BRINP1: variants seen among roughly 807,000 people sequenced by gnomAD.
BRINP1 encodes BMP/retinoic acid inducible neural specific 1.
Under a neutral mutation model 72.9 loss-of-function variants are expected in BRINP1, and 17 were observed. The ratio of observed to expected loss-of-function variants is 0.23; its 90% CI spans 0.16 to 0.35. The LOEUF (loss-of-function observed/expected upper bound fraction) is 0.35, where lower values mean the gene tolerates loss of function less well. Ranked by LOEUF, BRINP1 falls within the 10% of genes least tolerant of loss-of-function variation. The probability of loss-of-function intolerance (pLI) is 1.00; values close to 1 mark genes in which losing one functional copy is unlikely to be tolerated. For synonymous variants in BRINP1, 418 were observed against 378.5 expected, an observed-to-expected ratio of 1.10 and a Z score of -1.21; for missense variants, 850 against 1,001.6, an observed-to-expected ratio of 0.85 and a Z score of 2.04.
chr9:119,203,700 T>G (rs527355851), intron 7 of BRINP1, among the ~76,000 whole-genome samples: 24 of 152,208 alleles, frequency 1.6e-4, no homozygotes, highest in Non-Finnish European at 1.5e-4. Flanking sequence ...ACCAAGGCAG[T>G]CTAACTCCAG....
At chr9:119,183,740 T>A (rs1337938442) in intron 7 of BRINP1, among the ~76,000 whole-genome samples, 3 of 152,162 alleles carry the variant, frequency 2.0e-5, no homozygotes, top group Non-Finnish European at 4.4e-5. Context: ...AGCTCTTCTG[T>A]TTGTTCTCTA....
intron 2 of BRINP1, among the ~76,000 whole-genome samples, chr9:119,268,487 A>T (rs539178573): frequency 6.6e-6 from 1 of 152,218 alleles, no homozygotes; most frequent in South Asian, 2.1e-4. Flanking sequence ...GGGAACACAC[A>T]GCGCTAAGAT....
At chr9:119,335,773 G>T (rs2119016451) in intron 1 of BRINP1, among the ~76,000 whole-genome samples, 1 of 152,302 alleles carries the variant, frequency 6.6e-6, no homozygotes, top group Admixed American at 6.5e-5. Flanking sequence ...TCTAAAATCT[G>T]CTTTCTGTGA....
intron 7 of BRINP1, among the ~76,000 whole-genome samples, chr9:119,200,102 C>A (rs1314444394): frequency 3.3e-5 from 5 of 152,168 alleles, no homozygotes. Context: ...TATATACGAA[C>A]ACGGAACTCA....
chr9:119,213,989 C>T lies in BRINP1; in HGVS notation c.852G>A (p.Gln284=), dbSNP rs369506093. 2 of 1,614,174 alleles carry T rather than the reference C, an allele frequency of 1.2e-6. No individual in the cohort carries two copies. The highest frequency in any genetic ancestry group is 1.7e-6 in the Non-Finnish European group (2 of 1,180,026). ...PQCNCPITDI[Q]IMEYTLANMA... ...TGTTGGCCAGCGTGTACTCCATGAT[C>T]TGGATGTCCGTGATGGGGCAGTTGC... Residue 284 remains glutamine, a synonymous_variant, in exon 6 of 8, where the codon CAG becomes CAA. Transcript: ENST00000265922.
intron 1 of BRINP1, among the ~76,000 whole-genome samples, chr9:119,322,614 C>G (rs1486844228): frequency 6.6e-6 from 1 of 152,158 alleles, no homozygotes; most frequent in Non-Finnish European, 1.5e-5. Flanking sequence ...TGCCTCCTCC[C>G]TCCCTCCGCC....
intron 2 of BRINP1, among the ~76,000 whole-genome samples, chr9:119,302,968 T>C (rs1202144566): frequency 6.6e-6 from 1 of 152,040 alleles, no homozygotes; most frequent in Non-Finnish European, 1.5e-5. Flanking sequence ...GCTAACAGAG[T>C]GCATACACAT....
Position 119,183,497 on chromosome 9 carries a change from C to T in BRINP1, c.1146-15273G>A, listed in dbSNP as rs79759819. ...GGTTGATAAGGCTTAGAAGAAGACA[C>T]GGGGGGCTGTACAGTACAGAGAATG... On this transcript the variant is annotated intron_variant, in intron 7 of 7. Coordinates refer to ENST00000265922, the MANE Select transcript of BRINP1 (RefSeq NM_014618.3). 1.3e-3 allele frequency among the ~76,000 whole-genome samples: 200 copies of T among 152,146 alleles called. 4 individuals carry two copies. In the East Asian group the frequency reaches 0.035, roughly 26 times the overall value.
At chr9:119,176,724 T>C (rs1172791162) in intron 7 of BRINP1, among the ~76,000 whole-genome samples, 1 of 152,096 alleles carries the variant, frequency 6.6e-6, no homozygotes, top group East Asian at 1.9e-4. Context: ...TCCCAGAAAA[T>C]AAGCTCTTCC....
chr9:119,255,327 G>A (rs2118927934), intron 2 of BRINP1, among the ~76,000 whole-genome samples: 1 of 152,312 alleles, frequency 6.6e-6, no homozygotes, highest in Non-Finnish European at 1.5e-5. Flanking sequence ...AGCAGGGTGG[G>A]CAAACCAATT....
rs576229348 is a variant in BRINP1, at chr9:119,251,173, G to A, written c.219-2023C>T. Among the ~76,000 whole-genome samples, 74 of 152,276 alleles carry A rather than the reference G, an allele frequency of 4.9e-4. 1 individual carries two copies. The highest frequency in any genetic ancestry group is 1.8e-3 in the African/African-American group (73 of 41,558). On this transcript the variant is annotated intron_variant, in intron 2 of 7. Coordinates refer to ENST00000265922, the MANE Select transcript of BRINP1 (RefSeq NM_014618.3). Reference sequence around the variant, plus strand: ...ACTGAGTACCTTGCATGTTGTTGCAGGTACTTAAGTCAATCAACTGCACTC... The same window carrying A: ...ACTGAGTACCTTGCATGTTGTTGCAAGTACTTAAGTCAATCAACTGCACTC...
At chr9:119,325,137 A>G (rs1431382956) in intron 1 of BRINP1, among the ~76,000 whole-genome samples, 1 of 152,040 alleles carries the variant, frequency 6.6e-6, no homozygotes, top group African/African-American at 2.4e-5. Context: ...AGAGAGAAAG[A>G]GAGAAAGAGA....
At chr9:119,192,415 C>T (rs12349132) in intron 7 of BRINP1, among the ~76,000 whole-genome samples, 9,207 of 151,928 alleles carry the variant, frequency 0.061, 703 homozygotes, top group African/African-American at 0.18. Context: ...ACAAACAACC[C>T]AATTTAAAAA....
At chr9:119,330,342 C>T (rs1319046700) in intron 1 of BRINP1, among the ~76,000 whole-genome samples, 4 of 152,172 alleles carry the variant, frequency 2.6e-5, no homozygotes, top group African/African-American at 4.8e-5. Context: ...CTCCCCCATG[C>T]TCTTCCCTCC....
intron 1 of BRINP1, among the ~76,000 whole-genome samples, chr9:119,339,031 A>G (rs1831382049): frequency 6.6e-6 from 1 of 152,238 alleles, no homozygotes; most frequent in African/African-American, 2.4e-5. Flanking sequence ...GCACTAAATG[A>G]GAGGGGAAGA....
chr9:119,177,339 A>C (rs750605632), intron 7 of BRINP1, among the ~76,000 whole-genome samples: 2 of 152,138 alleles, frequency 1.3e-5, no homozygotes, highest in African/African-American at 2.4e-5. Flanking sequence ...AGCTGGAATA[A>C]TAATGAGCTA....
intron 1 of BRINP1, among the ~76,000 whole-genome samples, chr9:119,323,906 A>G (rs1587960832): frequency 6.6e-6 from 1 of 152,218 alleles, no homozygotes. Context: ...AACTAGACAG[A>G]TTGATTACTG....
chr9:119,244,184 C>T (rs1450255494), intron 3 of BRINP1, among the ~76,000 whole-genome samples: 2 of 152,194 alleles, frequency 1.3e-5, no homozygotes, highest in Admixed American at 6.5e-5. Flanking sequence ...TCAGGTTTTA[C>T]AGGCCAAGGC....
chr9:119,337,252 C>T (rs78998564), intron 1 of BRINP1, among the ~76,000 whole-genome samples: 1,560 of 152,288 alleles, frequency 0.01, 26 homozygotes, highest in African/African-American at 0.036. Context: ...AACCCACAGT[C>T]CAGGCAGTAA....
Sources: allele counts gnomAD v4.1 joint callset (sites outside exome capture counted in the v4.1 genomes callset), GRCh38; gene constraint gnomAD v4.1.1; transcripts MANE v1.5; gene names NCBI Gene and HGNC (gene_info 2026-07-23, HGNC 2026-07-21).